The following KCTD12 variants were observed in gnomAD, a reference collection of about 807,000 sequenced individuals.
KCTD12 encodes BTB/POZ domain-containing protein KCTD12.
Under a neutral mutation model 22.6 loss-of-function variants are expected in KCTD12, and 16 were observed. The observed-to-expected ratio is 0.71, with a 90% CI of 0.48 to 1.07. KCTD12 has a LOEUF of 1.07. KCTD12 is among the 50% of genes least tolerant of loss of function. KCTD12 has a pLI of 0.00. For missense variants in KCTD12, 452 were observed against 469.2 expected, an observed-to-expected ratio of 0.96 and a Z score of 0.34; for synonymous variants, 260 against 228.0, an observed-to-expected ratio of 1.14 and a Z score of -1.26.
In KCTD12 at chr13:76,886,113, G is replaced by A; in HGVS notation, c.36C>T (p.Asn12=). 2.6e-6 allele frequency: 4 copies of A among 1,538,960 alleles called. No individual in the cohort carries two copies. Among genetic ancestry groups the A allele is most frequent in the Non-Finnish European group, 3.5e-6 (4 of 1,143,096 alleles). Residue 12 remains asparagine (N), a synonymous_variant, in exon 1 of 1, where the codon AAC becomes AAT. Transcript: ENST00000377474. ...ALADSTRGLP[N]GGGGGGGSGS... Reference sequence around the variant, plus strand: ...CACTGCCGCCCCCGCCGCCGCCCCCGTTGGGTAATCCACGTGTGCTGTCCG... The same window carrying A: ...CACTGCCGCCCCCGCCGCCGCCCCCATTGGGTAATCCACGTGTGCTGTCCG...
Position 76,885,128 on chromosome 13 carries a change from G to A in KCTD12, c.*43C>T. ...AGGCTCTGTAATCATCTCTCGGGCA[G>A]GAGAAGGACTGGGCGCTGGAGTGGC... On this transcript the variant is annotated 3_prime_UTR_variant, in exon 1 of 1. Transcript: ENST00000377474. This position sits in a 1 kb window ranked among gnomAD's most constrained non-coding sequence, Gnocchi z 5.1. 1 of 1,585,006 alleles carries A rather than the reference G, an allele frequency of 6.3e-7. No homozygotes were observed. Among genetic ancestry groups the A allele is most frequent in the East Asian group, 2.2e-5 (1 of 44,498 alleles).
chr13:76,883,510 A>G lies in KCTD12; in HGVS notation c.*1661T>C, dbSNP rs971741731. 1 of 152,664 alleles carries G rather than the reference A, an allele frequency of 6.6e-6. No homozygotes were observed. The highest frequency in any genetic ancestry group is 1.5e-5 in the Non-Finnish European group (1 of 68,032). 9.5% of individuals were successfully genotyped at this position (152,664 alleles called of 1,614,324 possible). A position where few individuals can be genotyped will look rare whatever the true frequency, so the allele number is the denominator to read the frequency against. On this transcript the variant is annotated 3_prime_UTR_variant, in exon 1 of 1. Transcript: ENST00000377474. ...TGGGAATTTATTCCATGTAAGAGTAAAGGCATAAGGCAACCAGGTCTCCTT... is the reference window on the plus strand; with the variant it reads ...TGGGAATTTATTCCATGTAAGAGTAGAGGCATAAGGCAACCAGGTCTCCTT...
Position 76,885,881 on chromosome 13 carries a change from G to A in KCTD12, c.268C>T (p.Arg90Cys). ...TCCCGCAGGTAATCCAGGATGTAGC[G>A]GAAGAGGAAGCCGTCCCGGTCCAGA... ...FFLDRDGFLFRYILDYLRDLQ... is the reference protein window; with the variant it reads ...FFLDRDGFLFCYILDYLRDLQ... The change falls in exon 1 of 1, where the codon CGC becomes TGC. Residue 90 changes from arginine (R) to cysteine (C), a missense_variant. Transcript: ENST00000377474. The surrounding 1 kb of genome is among the most constrained non-coding windows in gnomAD (Gnocchi z 5.1). The A allele has an allele frequency of 1.3e-6, 2 of 1,597,306 alleles. No homozygotes were observed. The highest frequency in any genetic ancestry group is 1.7e-6 in the Non-Finnish European group (2 of 1,179,472).
At position 76,883,644 on chromosome 13, in the gene KCTD12, TAGGC is replaced by T. The variant is rs2033228094; in HGVS notation, c.*1523_*1526del. On this transcript the variant is annotated 3_prime_UTR_variant, in exon 1 of 1. Coordinates refer to ENST00000377474, the MANE Select transcript of KCTD12 (RefSeq NM_138444.4). ...ATTCCATTTTACAGCTATCTACAGA[TAGGC>T]AGCCCTTGGTGCTGAGTTCTCTGCA... 6.6e-6 allele frequency: 1 copy of T among 152,652 alleles called. No homozygotes were observed. The highest frequency in any genetic ancestry group is 1.5e-5 in the Non-Finnish European group (1 of 68,034). The allele number at this position is 152,652 out of a possible 1,614,324, so 9.5% of individuals were successfully genotyped here. A position where few individuals can be genotyped will look rare whatever the true frequency, so the allele number is the denominator to read the frequency against.
At position 76,885,256 on chromosome 13, in the gene KCTD12, C is replaced by A. The variant is rs777942519; in HGVS notation, c.893G>T (p.Gly298Val). Residue 298 changes from glycine to valine, a missense_variant, in exon 1 of 1, where the codon GGC becomes GTC. By Grantham distance (109) the Gly-to-Val change is moderately radical. Coordinates refer to ENST00000377474, the MANE Select transcript of KCTD12 (RefSeq NM_138444.4). The surrounding 1 kb of genome is among the most constrained non-coding windows in gnomAD (Gnocchi z 5.1). ...GGTGCTGCTGGCAAAGGCGCAGGTG[C>A]CCGTGGAGCTGCACGCCACCATGTG... The part of the protein sequence containing the change: ...GFHMVACSST[G>V]TCAFASSTDQ... 6.2e-7 allele frequency: 1 copy of A among 1,614,010 alleles called. No homozygotes were observed. The highest frequency in any genetic ancestry group is 8.5e-7 in the Non-Finnish European group (1 of 1,180,006).
At position 76,882,971 on chromosome 13, in the gene KCTD12, C is replaced by G. The variant is rs1032592278; in HGVS notation, c.*2200G>C. ...AATCAACATATGATTAGTAATACAACTAATACTCAAGAAAAAAAGTATAAT... is the reference window on the plus strand; with the variant it reads ...AATCAACATATGATTAGTAATACAAGTAATACTCAAGAAAAAAAGTATAAT... On this transcript the variant is annotated 3_prime_UTR_variant, in exon 1 of 1. Transcript: ENST00000377474. 3 of 152,126 alleles carry G rather than the reference C, an allele frequency of 2.0e-5. No homozygotes were observed. 9.4% of individuals were successfully genotyped at this position (152,126 alleles called of 1,614,324 possible).
rs1403169347 is a variant in KCTD12, at chr13:76,883,476, G to A, written c.*1695C>T. ...TTCCCTTCACTTATGGTTTACATAG[G>A]ATATGCATTGGGAATTTATTCCATG... is the stretch of plus-strand genomic sequence containing the variant. On this transcript the variant is annotated 3_prime_UTR_variant, in exon 1 of 1. Coordinates refer to ENST00000377474, the MANE Select transcript of KCTD12 (RefSeq NM_138444.4). 6.6e-6 allele frequency: 1 copy of A among 152,642 alleles called. No homozygotes were observed. Among genetic ancestry groups the A allele is most frequent in the Non-Finnish European group, 1.5e-5 (1 of 68,036 alleles). 9.5% of individuals were successfully genotyped at this position (152,642 alleles called of 1,614,324 possible). A position where few individuals can be genotyped will look rare whatever the true frequency, so the allele number is the denominator to read the frequency against.
In KCTD12 at chr13:76,881,573, T is replaced by C. The variant is rs2033203150; in HGVS notation, c.*3598A>G. ...TGCATTTCCTCAGAGAAGCAGTAGG[T>C]CCCATATATACAGACATATATATGG... On this transcript the variant is annotated 3_prime_UTR_variant, in exon 1 of 1. Transcript: ENST00000377474. The C allele has an allele frequency of 6.6e-6, 1 of 152,574 alleles. No homozygotes were observed. The highest frequency in any genetic ancestry group is 1.5e-5 in the Non-Finnish European group (1 of 68,012). The allele number at this position is 152,574 out of a possible 1,614,324, so 9.5% of individuals were successfully genotyped here.
In KCTD12 at chr13:76,883,448, T is replaced by C. The variant is rs1270085626; in HGVS notation, c.*1723A>G. The C allele has an allele frequency of 6.6e-6, 1 of 152,666 alleles. No individual in the cohort carries two copies. The highest frequency in any genetic ancestry group is 1.5e-5 in the Non-Finnish European group (1 of 68,032). 9.5% of individuals were successfully genotyped at this position (152,666 alleles called of 1,614,324 possible). On this transcript the variant is annotated 3_prime_UTR_variant, in exon 1 of 1. Coordinates refer to ENST00000377474, the MANE Select transcript of KCTD12 (RefSeq NM_138444.4). ...TCACAGCATGGAGCATGACGAGGTT[T>C]ATTTCCCTTCACTTATGGTTTACAT...
Position 76,885,629 on chromosome 13 carries a change from C to A in KCTD12, c.520G>T (p.Ala174Ser), listed in dbSNP as rs2033258298. ...GCCAGCTCCAGCGTGGGCGACGGCG[C>A]CCCGGCAGAGGCGCCCTCCTGCTGT... is the stretch of plus-strand genomic sequence containing the variant. ...PEQQEGASAG[A>S]PSPTLELASR... The change falls in exon 1 of 1, where the codon GCG (alanine) becomes TCG (serine). Residue 174 changes from alanine to serine, a missense_variant. This residue lies in a region of KCTD12 where 330 missense variants were observed against 296.5 expected (regional missense o/e 1.11). Coordinates refer to ENST00000377474, the MANE Select transcript of KCTD12 (RefSeq NM_138444.4). The surrounding 1 kb of genome is among the most constrained non-coding windows in gnomAD (Gnocchi z 5.1). The A allele has an allele frequency of 4.7e-6, 7 of 1,496,064 alleles. No individual in the cohort carries two copies. The South Asian group carries it at 5.2e-5, about 11-fold the overall frequency. 92.7% of individuals were successfully genotyped at this position (1,496,064 alleles called of 1,614,324 possible).
chr13:76,882,638 T>C lies in KCTD12; in HGVS notation c.*2533A>G, dbSNP rs1242203840. 3 of 152,142 alleles carry C rather than the reference T, an allele frequency of 2.0e-5. No individual in the cohort carries two copies. The highest frequency in any genetic ancestry group is 4.4e-5 in the Non-Finnish European group (3 of 68,014). The allele number at this position is 152,142 out of a possible 1,614,324, so 9.4% of individuals were successfully genotyped here. ...CTTCCTGTTGAACAATCTAACAAAA[T>C]ACCATACGGGGTAGAGAAATCTCTG... On this transcript the variant is annotated 3_prime_UTR_variant, in exon 1 of 1. Coordinates refer to ENST00000377474, the MANE Select transcript of KCTD12 (RefSeq NM_138444.4).
In KCTD12 at chr13:76,882,753, A is replaced by G. The variant is rs2033217866; in HGVS notation, c.*2418T>C. On this transcript the variant is annotated 3_prime_UTR_variant, in exon 1 of 1. Transcript: ENST00000377474. ...CTGATGCATTACTTAGTCTGAGACCAAACTCAACATACAAGCAAGCACAAC... is the reference window on the plus strand; with the variant it reads ...CTGATGCATTACTTAGTCTGAGACCGAACTCAACATACAAGCAAGCACAAC... 8.7e-6 allele frequency: 1 copy of G among 114,974 alleles called. No homozygotes were observed. Among genetic ancestry groups the G allele is most frequent in the African/African-American group, 4.9e-5 (1 of 20,508 alleles). 7.1% of individuals were successfully genotyped at this position (114,974 alleles called of 1,614,324 possible).
At position 76,884,005 on chromosome 13, in the gene KCTD12, G is replaced by A. The variant is rs1204511359; in HGVS notation, c.*1166C>T. 1 of 152,578 alleles carries A rather than the reference G, an allele frequency of 6.6e-6. No individual in the cohort carries two copies. The highest frequency in any genetic ancestry group is 1.9e-4 in the East Asian group (1 of 5,206). The allele number at this position is 152,578 out of a possible 1,614,324, so 9.5% of individuals were successfully genotyped here. On this transcript the variant is annotated 3_prime_UTR_variant, in exon 1 of 1. Transcript: ENST00000377474. ...TAAACTGCCAGGTAAGAGTAGGTCTGTTATTAATCTTTATAAAATACTTGG... is the reference window on the plus strand; with the variant it reads ...TAAACTGCCAGGTAAGAGTAGGTCTATTATTAATCTTTATAAAATACTTGG...
Position 76,885,213 on chromosome 13 carries a change from C to A in KCTD12, c.936G>T (p.Lys312Asn), listed in dbSNP as rs2033249797. 1 of 1,614,114 alleles carries A rather than the reference C, an allele frequency of 6.2e-7. No homozygotes were observed. Among genetic ancestry groups the A allele is most frequent in the Non-Finnish European group, 8.5e-7 (1 of 1,180,040 alleles). ...CGTACTCGGTGTAGCTGGTCCAGAT[C>A]TTGTCCTCGCTCTGGTCGGTGCTGC... ...FASSTDQSED[K>N]IWTSYTEYVF... The change falls in exon 1 of 1, where the codon AAG (lysine) becomes AAT (asparagine). Residue 312 changes from lysine to asparagine, a missense_variant. Coordinates refer to ENST00000377474, the MANE Select transcript of KCTD12 (RefSeq NM_138444.4). This position sits in a 1 kb window ranked among gnomAD's most constrained non-coding sequence, Gnocchi z 5.1.
chr13:76,885,438 G>A lies in KCTD12; in HGVS notation c.711C>T (p.Thr237=), dbSNP rs761828476. ...DAKFRRVARI[T]VCGKTSLAKE... Reference sequence around the variant, plus strand: ...TGGCCAGCGACGTCTTTCCGCAAACGGTGATGCGCGCCACTCGCCGGAACT... The same window carrying A: ...TGGCCAGCGACGTCTTTCCGCAAACAGTGATGCGCGCCACTCGCCGGAACT... Residue 237 remains threonine (T), a synonymous_variant, in exon 1 of 1, where the codon ACC becomes ACT. Transcript: ENST00000377474. This position sits in a 1 kb window ranked among gnomAD's most constrained non-coding sequence, Gnocchi z 5.1. 3.1e-6 allele frequency: 5 copies of A among 1,612,220 alleles called. No individual in the cohort carries two copies. Among genetic ancestry groups the A allele is most frequent in the Non-Finnish European group, 2.5e-6 (3 of 1,180,006 alleles).
rs1266832285 is a variant in KCTD12, at chr13:76,886,047, G to A, written c.102C>T (p.Asp34=). 6 of 1,583,528 alleles carry A rather than the reference G, an allele frequency of 3.8e-6. No individual in the cohort carries two copies. The highest frequency in any genetic ancestry group is 1.3e-5 in the African/African-American group (1 of 74,236). The change falls in exon 1 of 1, where the codon GAC becomes GAT. Residue 34 remains aspartate, a synonymous_variant. Transcript: ENST00000377474. The stretch of plus-strand genomic sequence containing the variant: ...GGCCCCCCACGTTCAGCTCCACGAT[G>A]TCGGGGAAGAGCGGTGGCTCCGCGG... ...SSSAEPPLFP[D]IVELNVGGQV...
Position 76,886,276 on chromosome 13 carries a change from G to C in KCTD12, c.-128C>G. The C allele has an allele frequency of 9.8e-7, 1 of 1,015,508 alleles. No individual in the cohort carries two copies. The highest frequency in any genetic ancestry group is 3.4e-5 in the East Asian group (1 of 29,052). The allele number at this position is 1,015,508 out of a possible 1,614,324, so 62.9% of individuals were successfully genotyped here. ...CCTGCGCCCCGCCGCCGCCGCCGCC[G>C]CCACCGCCGCCACCGCCACCGCCGC... On this transcript the variant is annotated 5_prime_UTR_variant, in exon 1 of 1. Transcript: ENST00000377474.
At position 76,885,957 on chromosome 13, in the gene KCTD12, G is replaced by T; in HGVS notation, c.192C>A (p.Phe64Leu). The T allele has an allele frequency of 1.9e-6, 3 of 1,590,100 alleles. No individual in the cohort carries two copies. The highest frequency in any genetic ancestry group is 2.6e-6 in the Non-Finnish European group (3 of 1,175,710). ...SVPDSLLWRM[F>L]TQQQPQELAR... Reference sequence around the variant, plus strand: ...CCAGCTCCTGCGGCTGCTGCTGCGTGAACATGCGCCAGAGCAGCGAGTCGG... The same window carrying T: ...CCAGCTCCTGCGGCTGCTGCTGCGTTAACATGCGCCAGAGCAGCGAGTCGG... The change falls in exon 1 of 1, where the codon TTC (phenylalanine) becomes TTA (leucine). Residue 64 changes from phenylalanine (F) to leucine (L), a missense_variant. Phe to Leu is a conservative substitution (Grantham distance 22). Around this residue, in one of 2 missense-constraint regions of KCTD12, gnomAD observed 330 missense variants for 296.5 expected, o/e 1.11. Coordinates refer to ENST00000377474, the MANE Select transcript of KCTD12 (RefSeq NM_138444.4). The surrounding 1 kb of genome is among the most constrained non-coding windows in gnomAD (Gnocchi z 5.1).
chr13:76,886,279 A>ACCG lies in KCTD12; in HGVS notation c.-134_-132dup, dbSNP rs1200717268. On this transcript the variant is annotated 5_prime_UTR_variant, in exon 1 of 1. Transcript: ENST00000377474. ...GCGCCCCGCCGCCGCCGCCGCCGCC[A>ACCG]CCGCCGCCACCGCCACCGCCGCCAC... is the stretch of plus-strand genomic sequence containing the variant. 1.4e-5 allele frequency: 14 copies of ACCG among 1,030,746 alleles called. No homozygotes were observed. The highest frequency in any genetic ancestry group is 1.0e-4 in the East Asian group (3 of 29,164). The allele number at this position is 1,030,746 out of a possible 1,614,324, so 63.9% of individuals were successfully genotyped here. A position where few individuals can be genotyped will look rare whatever the true frequency, so the allele number is the denominator to read the frequency against.
Sources: gnomAD v4.1 joint callset for allele counts on GRCh38, gnomAD v4.1.1 for gene constraint, gnomAD v4.1.1 regional missense constraint, Gnocchi (gnomAD v3.1) non-coding constraint, MANE v1.5 for transcripts, NCBI Gene and HGNC (gene_info 2026-07-23, HGNC 2026-07-21) for gene names.